PLAC1: variants seen among roughly 807,000 people sequenced by gnomAD.
PLAC1 encodes placenta associated 1, also known as placenta-specific protein 1.
For synonymous variants in PLAC1, 68 were observed against 62.1 expected (o/e 1.09, Z -0.44); for missense variants, 136 against 163.2 (o/e 0.83, Z 0.91).
intron 1 of PLAC1, among the ~76,000 whole-genome samples, chrX:134,743,052 A>G (rs1268752592): frequency 1.8e-5 from 2 of 112,549 alleles, no homozygotes; most frequent in African/African-American, 6.4e-5. Context: ...TGACTTCTTC[A>G]GCAAGAAGAA....
intron 1 of PLAC1, among the ~76,000 whole-genome samples, chrX:134,645,538 G>A (rs930714671): frequency 2.7e-5 from 3 of 111,310 alleles, no homozygotes; most frequent in Non-Finnish European, 5.6e-5. Flanking sequence ...CCTTTTGTTT[G>A]GCTGCTACGC....
At chrX:134,669,908 G>A (rs973092859) in intron 2 of PLAC1, among the ~76,000 whole-genome samples, 1 of 111,932 alleles carries the variant, frequency 8.9e-6, no homozygotes, top group African/African-American at 3.2e-5. Context: ...CCTGGATCTC[G>A]AAAGAACCTT....
At chrX:134,743,948 A>G (rs1437791116) in intron 1 of PLAC1, among the ~76,000 whole-genome samples, 1 of 112,591 alleles carries the variant, frequency 8.9e-6, no homozygotes, top group Non-Finnish European at 1.9e-5. Flanking sequence ...AGTGTGTGGC[A>G]TTGTTTAAGG....
At chrX:134,686,224 C>G (rs1290542363) in intron 2 of PLAC1, among the ~76,000 whole-genome samples, 1 of 111,142 alleles carries the variant, frequency 9.0e-6, no homozygotes, top group Non-Finnish European at 1.9e-5. Context: ...TCTCTGTTCC[C>G]CATCCATGCA....
intron 2 of PLAC1, among the ~76,000 whole-genome samples, chrX:134,569,558 C>T (rs763647448): frequency 9.0e-6 from 1 of 111,411 alleles, no homozygotes; most frequent in African/African-American, 3.3e-5. Context: ...TTTAAGGTTG[C>T]TCATCTCTAA....
At chrX:134,681,292 G>T (rs945606246) in intron 2 of PLAC1, among the ~76,000 whole-genome samples, 1 of 111,179 alleles carries the variant, frequency 9.0e-6, no homozygotes, top group African/African-American at 3.3e-5. Context: ...CACTTTGGTC[G>T]TTAAGAGGAG....
At chrX:134,604,902 G>A (rs2078115175) in intron 1 of PLAC1, among the ~76,000 whole-genome samples, 1 of 111,465 alleles carries the variant, frequency 9.0e-6, no homozygotes. Context: ...AAGCCTCCTC[G>A]GGAAACATTG....
intron 2 of PLAC1, among the ~76,000 whole-genome samples, chrX:134,596,483 T>C (rs756130729): frequency 9.1e-4 from 102 of 112,638 alleles, no homozygotes; most frequent in Admixed American, 2.2e-3. Flanking sequence ...AGGATTTAGT[T>C]CTTTTCTTTC....
chrX:134,695,790 T>C (rs1002453589), intron 2 of PLAC1, among the ~76,000 whole-genome samples: 1 of 112,227 alleles, frequency 8.9e-6, no homozygotes, highest in Non-Finnish European at 1.9e-5. Flanking sequence ...GCTGGAAAAC[T>C]TGAAAACTTA....
At position 134,712,056 on chromosome X, in the gene PLAC1, A is replaced by C. The variant is rs114006521; in HGVS notation, n.174+21379T>G. On this transcript the variant is annotated intron_variant and non_coding_transcript_variant, in intron 2 of 2. Transcript: ENST00000466797. ...TAAACATATAAAAAGAGATTCTACC[A>C]CAATTTCTAATATTAGAAAATCAAG... Among the ~76,000 whole-genome samples, 836 of 111,586 alleles carry C rather than the reference A, an allele frequency of 7.5e-3. 6 individuals are homozygous for C. Among genetic ancestry groups the C allele is most frequent in the African/African-American group, 0.027 (817 of 30,676 alleles).
chrX:134,566,006 C>A lies in PLAC1; in HGVS notation c.*38G>T. 1 of 1,136,912 alleles carries A rather than the reference C, an allele frequency of 8.8e-7. No homozygotes were observed. The highest frequency in any genetic ancestry group is 1.2e-6 in the Non-Finnish European group (1 of 834,647). 93.7% of individuals were successfully genotyped at this position (1,136,912 alleles called of 1,213,427 possible). ...GACATTTGTACACTATATACTAATTCTAGAAATAGCATCTTCAGGAGACCC... is the reference window on the plus strand; with the variant it reads ...GACATTTGTACACTATATACTAATTATAGAAATAGCATCTTCAGGAGACCC... On this transcript the variant is annotated 3_prime_UTR_variant, in exon 3 of 3. Coordinates refer to ENST00000359237, the MANE Select transcript of PLAC1 (RefSeq NM_021796.4).
chrX:134,581,441 C>T (rs904223261), intron 2 of PLAC1, among the ~76,000 whole-genome samples: 1 of 108,326 alleles, frequency 9.2e-6, no homozygotes, highest in Non-Finnish European at 1.9e-5. Context: ...GAGTTTATTT[C>T]CCCCCAATAA....
intron 1 of PLAC1, among the ~76,000 whole-genome samples, chrX:134,636,570 C>T (rs1320769556): frequency 1.8e-5 from 2 of 111,853 alleles, no homozygotes; most frequent in Non-Finnish European, 3.8e-5. Context: ...AAGTGCATTT[C>T]GGAGGAGGGA....
At chrX:134,706,924 T>C (rs1265878332) in intron 2 of PLAC1, among the ~76,000 whole-genome samples, 1 of 111,649 alleles carries the variant, frequency 9.0e-6, no homozygotes, top group Non-Finnish European at 1.9e-5. Flanking sequence ...GCCTCAGGGA[T>C]CCGTGGCACT....
intron 1 of PLAC1, among the ~76,000 whole-genome samples, chrX:134,656,606 ATGCGGTTG>A (rs1352792922): frequency 1.8e-5 from 2 of 110,786 alleles, no homozygotes. Context: ...CTTTTTTGAG[ATGCGGTTG>A]TGCTCTGTCC....
At chrX:134,588,971 G>GA (rs1441096254) in intron 2 of PLAC1, among the ~76,000 whole-genome samples, 2 of 111,435 alleles carry the variant, frequency 1.8e-5, no homozygotes. Flanking sequence ...GGTATGTTGA[G>GA]AAGAAAAGGC....
chrX:134,687,231 C>T (rs1196319374), intron 2 of PLAC1, among the ~76,000 whole-genome samples: 3 of 111,768 alleles, frequency 2.7e-5, no homozygotes, highest in African/African-American at 9.8e-5. Context: ...AAACAAAACT[C>T]TCCCCTTGCC....
Position 134,708,890 on chromosome X carries a change from T to C in PLAC1, n.174+24545A>G, listed in dbSNP as rs754694528. On this transcript the variant is annotated intron_variant and non_coding_transcript_variant, in intron 2 of 2. Transcript: ENST00000466797. ...GTGATAAAAATGGCATAGAATTATA[T>C]ACACACATATTGTATCAATGTCGAA... Among the ~76,000 whole-genome samples the C allele has an allele frequency of 5.4e-5, 6 of 111,333 alleles. No homozygotes were observed. The South Asian group carries it at 1.5e-3, about 28-fold the overall frequency.
intron 2 of PLAC1, among the ~76,000 whole-genome samples, chrX:134,575,157 T>A (rs2077930800): frequency 9.0e-6 from 1 of 110,630 alleles, no homozygotes; most frequent in South Asian, 3.9e-4. Flanking sequence ...CAGGCTAACT[T>A]CACGTCAGTT....
Sources: gnomAD v4.1 joint callset for allele counts (sites outside exome capture counted in the v4.1 genomes callset) on GRCh38, gnomAD v4.1.1 for gene constraint, MANE v1.5 for transcripts, NCBI Gene and HGNC (gene_info 2026-07-23, HGNC 2026-07-21) for gene names.